The following AGAP1 variants were observed in gnomAD, a reference collection of about 807,000 sequenced individuals.
AGAP1 encodes the protein ArfGAP with GTPase domain, ankyrin repeat and PH domain 1.
AGAP1 carries 29 observed loss-of-function variants against 105.3 expected under a neutral mutation model. That is an observed-to-expected ratio of 0.28 (90% confidence interval 0.21 to 0.38). The LOEUF is 0.38. Among genes scored for constraint, AGAP1 ranks in the 10% least tolerant of loss-of-function variants. The probability of loss-of-function intolerance (pLI) is 1.00; values close to 1 mark genes in which losing one functional copy is unlikely to be tolerated. For synonymous variants in AGAP1, 509 were observed against 485.9 expected, an observed-to-expected ratio of 1.05 and a Z score of -0.63; for missense variants, 998 against 1,165.1, an observed-to-expected ratio of 0.86 and a Z score of 2.09.
Position 236,056,709 on chromosome 2 carries a change from A to C in AGAP1, c.2114+7428A>C, listed in dbSNP as rs2058061011. The stretch of plus-strand genomic sequence containing the variant: ...GTGAACTTTTCTCTTTCTTCTTCTT[A>C]ATGAAGAGGAGGGAGACAAAAACAT... On this transcript the variant is annotated intron_variant, in intron 16 of 17. Coordinates refer to ENST00000304032, the MANE Select transcript of AGAP1 (RefSeq NM_001037131.3). This position sits in a 1 kb window ranked among gnomAD's most constrained non-coding sequence, Gnocchi z 4.6. Among the ~76,000 whole-genome samples the C allele has an allele frequency of 6.6e-6, 1 of 152,010 alleles. No individual in the cohort carries two copies. Among genetic ancestry groups the C allele is most frequent in the Non-Finnish European group, 1.5e-5 (1 of 68,016 alleles).
rs1271347650 is a variant in AGAP1 at position 235,750,245 on chromosome 2, A to G, written c.539-109A>G. ...TCTACAATTCCAGATTCATAAACTA[A>G]TTACATTTCTGCTGAGTAAGGTACT... On this transcript the variant is annotated intron_variant, in intron 5 of 17. Transcript: ENST00000304032. This position sits in a 1 kb window ranked among gnomAD's most constrained non-coding sequence, Gnocchi z 5.3. The G allele has an allele frequency of 4.1e-6, 6 of 1,474,906 alleles. No individual in the cohort carries two copies. Among genetic ancestry groups the G allele is most frequent in the Non-Finnish European group, 5.6e-6 (6 of 1,072,612 alleles). The allele number at this position is 1,474,906 out of a possible 1,614,324, so 91.4% of individuals were successfully genotyped here. A position where few individuals can be genotyped will look rare whatever the true frequency, so the allele number is the denominator to read the frequency against.
At position 235,983,005 on chromosome 2, in the gene AGAP1, C is replaced by T. The variant is rs2055159089; in HGVS notation, c.1645+14382C>T. On this transcript the variant is annotated intron_variant, in intron 13 of 17. Transcript: ENST00000304032. The surrounding 1 kb of genome is among the most constrained non-coding windows in gnomAD (Gnocchi z 4.5). ...CCCCTAAAAAGCATTTGCAAACACTCCTCCACACTGTTCAGATGAGCGATG... is the reference window on the plus strand; with the variant it reads ...CCCCTAAAAAGCATTTGCAAACACTTCTCCACACTGTTCAGATGAGCGATG... Among the ~76,000 whole-genome samples, 1 of 152,142 alleles carries T rather than the reference C, an allele frequency of 6.6e-6. No homozygotes were observed. Among genetic ancestry groups the T allele is most frequent in the Non-Finnish European group, 1.5e-5 (1 of 68,022 alleles).
intron 1 of AGAP1, among the ~76,000 whole-genome samples, chr2:235,561,937 T>G (rs1326806457): frequency 3.9e-5 from 6 of 152,176 alleles, no homozygotes; most frequent in Non-Finnish European, 8.8e-5. Context: ...TAACTTAGAT[T>G]TATGGCTTTT....
chr2:235,560,114 G>A (rs1659202011), intron 1 of AGAP1, among the ~76,000 whole-genome samples: 1 of 151,880 alleles, frequency 6.6e-6, no homozygotes, highest in African/African-American at 2.4e-5. Context: ...GTTTTCTGAT[G>A]GTTTCTTTTA....
intron 11 of AGAP1, among the ~76,000 whole-genome samples, chr2:235,918,091 C>T (rs1575776155): frequency 1.3e-5 from 2 of 152,218 alleles, no homozygotes; most frequent in African/African-American, 4.8e-5. Context: ...ACACCTGTCC[C>T]CTGCCGGCAT....
intron 1 of AGAP1, among the ~76,000 whole-genome samples, chr2:235,607,915 A>G (rs1945999867): frequency 1.3e-5 from 2 of 152,336 alleles, no homozygotes; most frequent in African/African-American, 2.4e-5. Context: ...CAAAACAAAT[A>G]TTGTTCTTTT....
rs59864030 is a variant in AGAP1 at position 236,001,984 on chromosome 2, G to T, written c.1645+33361G>T. 6.6e-6 allele frequency among the ~76,000 whole-genome samples: 1 copy of T among 152,162 alleles called. No homozygotes were observed. Among genetic ancestry groups the T allele is most frequent in the African/African-American group, 2.4e-5 (1 of 41,438 alleles). On this transcript the variant is annotated intron_variant, in intron 13 of 17. Coordinates refer to ENST00000304032, the MANE Select transcript of AGAP1 (RefSeq NM_001037131.3). This position sits in a 1 kb window ranked among gnomAD's most constrained non-coding sequence, Gnocchi z 4.7. ...CATCTCTGCCTGATTGGAAGCTTGC[G>T]TTGCACATTCAGCCCACGCCTCCAT...
At chr2:235,978,316 A>ATTTT (rs2054944999) in intron 13 of AGAP1, among the ~76,000 whole-genome samples, 1 of 151,908 alleles carries the variant, frequency 6.6e-6, no homozygotes. Flanking sequence ...ACCATATGCC[A>ATTTT]TTTAAGGATT....
intron 13 of AGAP1, among the ~76,000 whole-genome samples, chr2:236,029,137 G>A (rs1421109255): frequency 6.6e-6 from 1 of 151,456 alleles, no homozygotes; most frequent in East Asian, 1.9e-4. Context: ...CCTTTCCCAT[G>A]GTAGACATTG....
chr2:235,711,767 C>A (rs1481816934), intron 2 of AGAP1, among the ~76,000 whole-genome samples: 2 of 152,140 alleles, frequency 1.3e-5, no homozygotes, highest in Non-Finnish European at 1.5e-5. Flanking sequence ...GTTCCCTAGG[C>A]AGCCTCCAAG....
chr2:235,800,623 G>A (rs561475148), intron 8 of AGAP1, among the ~76,000 whole-genome samples: 7 of 152,336 alleles, frequency 4.6e-5, no homozygotes, highest in African/African-American at 1.2e-4. Flanking sequence ...CCTGGATCAC[G>A]CATTACAAGT....
chr2:235,746,470 C>T (rs1952962352), intron 5 of AGAP1, among the ~76,000 whole-genome samples: 1 of 131,688 alleles, frequency 7.6e-6, no homozygotes, highest in South Asian at 2.6e-4. Context: ...CTGTTTAATC[C>T]TAACACAGAA....
chr2:235,990,098 C>T (rs541299911), intron 13 of AGAP1, among the ~76,000 whole-genome samples: 4 of 152,298 alleles, frequency 2.6e-5, no homozygotes, highest in South Asian at 4.1e-4. Flanking sequence ...AGTGCTCTAC[C>T]GTTAGGATTC....
intron 3 of AGAP1, among the ~76,000 whole-genome samples, chr2:235,722,008 A>C (rs1279334085): frequency 6.6e-6 from 1 of 152,242 alleles, no homozygotes; most frequent in Non-Finnish European, 1.5e-5. Context: ...GATGCAGTTC[A>C]AATGAGGGAA....
At chr2:235,868,641 A>G (rs541472086) in intron 9 of AGAP1, among the ~76,000 whole-genome samples, 7 of 152,320 alleles carry the variant, frequency 4.6e-5, no homozygotes, top group African/African-American at 1.7e-4. Context: ...CCAGTCTCTA[A>G]TGCAGTCAAT....
chr2:235,807,059 A>G (rs1358166716), intron 8 of AGAP1, among the ~76,000 whole-genome samples, 180 bp from the exon 9 acceptor site: 1 of 152,214 alleles, frequency 6.6e-6, no homozygotes, highest in Non-Finnish European at 1.5e-5. Flanking sequence ...TTCTCTTTAA[A>G]AATGATGAGT....
intron 1 of AGAP1, among the ~76,000 whole-genome samples, chr2:235,680,767 C>G (rs1237208603): frequency 6.6e-6 from 1 of 152,094 alleles, no homozygotes; most frequent in Admixed American, 6.5e-5. Flanking sequence ...CATTTTCAGG[C>G]CTCACCAGAA....
At position 235,824,901 on chromosome 2, in the gene AGAP1, GT is replaced by G. The variant is rs1254954259; in HGVS notation, c.1050+17573del. On this transcript the variant is annotated intron_variant, in intron 9 of 17. Transcript: ENST00000304032. This position sits in a 1 kb window ranked among gnomAD's most constrained non-coding sequence, Gnocchi z 5.2. ...AGGAAAGCATGTTTTTATGTCTCACGTTTACAGGCGCTTTTCTGATTTTTCT... is the reference window on the plus strand; with the variant it reads ...AGGAAAGCATGTTTTTATGTCTCACGTTACAGGCGCTTTTCTGATTTTTCT... Among the ~76,000 whole-genome samples the G allele has an allele frequency of 2.6e-5, 4 of 152,100 alleles. No homozygotes were observed. The highest frequency in any genetic ancestry group is 4.4e-5 in the Non-Finnish European group (3 of 68,006).
In AGAP1 at chr2:235,994,754, CT is replaced by C. The variant is rs34343921; in HGVS notation, c.1645+26144del. Among the ~76,000 whole-genome samples, 469 of 143,538 alleles carry C rather than the reference CT, an allele frequency of 3.3e-3. No homozygotes were observed. The highest frequency in any genetic ancestry group is 3.6e-3 in the Middle Eastern group (1 of 278). The allele number at this position is 143,538 out of a possible 152,430, so 94.2% of individuals were successfully genotyped here. ...GGGGAAGAGCATGATGAATTTCTTT[CT>C]TTTTTTTTTTTTAAACTAAAATTAG... On this transcript the variant is annotated intron_variant, in intron 13 of 17. Coordinates refer to ENST00000304032, the MANE Select transcript of AGAP1 (RefSeq NM_001037131.3). The surrounding 1 kb of genome is among the most constrained non-coding windows in gnomAD (Gnocchi z 4.4).
Sources: allele counts gnomAD v4.1 joint callset (sites outside exome capture counted in the v4.1 genomes callset), GRCh38; gene constraint gnomAD v4.1.1; non-coding constraint Gnocchi (gnomAD v3.1); transcripts MANE v1.5; gene names NCBI Gene and HGNC (gene_info 2026-07-23, HGNC 2026-07-21).